EPN2: variants seen among roughly 807,000 people sequenced by gnomAD.
The protein encoded by EPN2 is epsin-2.
EPN2 carries 34 observed loss-of-function variants against 61.7 expected under a neutral mutation model. The observed-to-expected ratio is 0.55, with a 90% CI of 0.42 to 0.73. EPN2 has a LOEUF of 0.73. Among genes scored for constraint, EPN2 ranks in the 30% least tolerant of loss-of-function variants. EPN2 has a pLI of 0.00. For missense variants in EPN2, 714 were observed against 839.2 expected (o/e 0.85, Z 1.84); for synonymous variants, 349 against 353.6 (o/e 0.99, Z 0.15).
At chr17:19,316,741 C>A (rs1371791149) in intron 7 of EPN2, among the ~76,000 whole-genome samples, 1 of 152,118 alleles carries the variant, frequency 6.6e-6, no homozygotes, top group African/African-American at 2.4e-5. Context: ...TAAACAATAC[C>A]ACGCTGTACC....
chr17:19,262,794 G>C (rs1384772233), intron 1 of EPN2, among the ~76,000 whole-genome samples: 1 of 152,170 alleles, frequency 6.6e-6, no homozygotes, highest in Non-Finnish European at 1.5e-5. Flanking sequence ...TTCTGTCTCT[G>C]TGGATTTGCC....
chr17:19,262,068 T>G (rs1047453301), intron 1 of EPN2, among the ~76,000 whole-genome samples: 2 of 152,064 alleles, frequency 1.3e-5, no homozygotes, highest in Non-Finnish European at 2.9e-5. Context: ...ATCCCTGTAG[T>G]CCCAGCTACT....
chr17:19,243,502 C>T (rs941384479), intron 1 of EPN2, among the ~76,000 whole-genome samples: 3 of 148,538 alleles, frequency 2.0e-5, no homozygotes, highest in African/African-American at 2.5e-5. Context: ...ACGCCATTCT[C>T]CTGCCTCAGC....
chr17:19,280,938 C>T (rs973793608), intron 1 of EPN2, among the ~76,000 whole-genome samples: 2 of 152,134 alleles, frequency 1.3e-5, no homozygotes, highest in Admixed American at 1.3e-4. Context: ...TCAATTAATT[C>T]GGTAGAGTGG....
In EPN2 at chr17:19,282,972, A is replaced by G; in HGVS notation, c.-148A>G. 1.6e-6 allele frequency: 1 copy of G among 625,022 alleles called. No individual in the cohort carries two copies. Among genetic ancestry groups the G allele is most frequent in the Admixed American group, 3.1e-5 (1 of 32,428 alleles). The allele number at this position is 625,022 out of a possible 1,614,324, so 38.7% of individuals were successfully genotyped here. On this transcript the variant is annotated 5_prime_UTR_variant, in exon 3 of 11. Coordinates refer to ENST00000314728, the MANE Select transcript of EPN2 (RefSeq NM_014964.5). ...TAGGTCATGGCTTCCAGCTTTTCGA[A>G]TCTGAGGCTCCAAAGGAGGAAATGA...
At chr17:19,246,535 A>G (rs1324441245) in intron 1 of EPN2, among the ~76,000 whole-genome samples, 1 of 152,092 alleles carries the variant, frequency 6.6e-6, no homozygotes, top group Non-Finnish European at 1.5e-5. Flanking sequence ...AAGGAATGGT[A>G]AACAGCTATG....
Position 19,335,523 on chromosome 17 carries a change from G to T in EPN2, c.*1269G>T, listed in dbSNP as rs1409935485. 1 of 1,515,170 alleles carries T rather than the reference G, an allele frequency of 6.6e-7. No homozygotes were observed. The highest frequency in any genetic ancestry group is 8.9e-7 in the Non-Finnish European group (1 of 1,122,988). 93.9% of individuals were successfully genotyped at this position (1,515,170 alleles called of 1,614,324 possible). The stretch of plus-strand genomic sequence containing the variant: ...AATCCACGCTCAGGCTAAAGATGGG[G>T]ATAATGTGGAAATGGCAGTTGTCCC... On this transcript the variant is annotated 3_prime_UTR_variant, in exon 11 of 11. Coordinates refer to ENST00000314728, the MANE Select transcript of EPN2 (RefSeq NM_014964.5).
chr17:19,271,705 G>A (rs1426709231), intron 1 of EPN2: 2 of 152,308 alleles, frequency 1.3e-5, no homozygotes, highest in African/African-American at 4.8e-5. Context: ...AGAGTTAGAT[G>A]TGACCTCCTG....
At chr17:19,313,348 G>A (rs1906239393) in intron 7 of EPN2, 69 bp downstream of exon 7, 6 of 1,419,094 alleles carry the variant, frequency 4.2e-6, no homozygotes, top group Non-Finnish European at 4.7e-6. Context: ...AGTGCTTCTT[G>A]CTGTCTCTCA....
chr17:19,313,556 T>C (rs1189815640), intron 7 of EPN2: 1 of 380,938 alleles, frequency 2.6e-6, no homozygotes, highest in African/African-American at 2.1e-5. Flanking sequence ...GCTTGTGCCT[T>C]CTCTGGGACA....
At chr17:19,298,287 C>G (rs2045540660) in intron 4 of EPN2, among the ~76,000 whole-genome samples, 1 of 152,118 alleles carries the variant, frequency 6.6e-6, no homozygotes, top group Non-Finnish European at 1.5e-5. Context: ...CTCCGCCCCC[C>G]AGGTTCAAGT....
At chr17:19,297,775 A>C (rs1339708022) in intron 4 of EPN2, among the ~76,000 whole-genome samples, 1 of 152,258 alleles carries the variant, frequency 6.6e-6, no homozygotes, top group Admixed American at 6.5e-5. Context: ...GAGGGTGCCC[A>C]TGAGAAATAG....
At chr17:19,273,770 G>A (rs1437513836) in intron 1 of EPN2, among the ~76,000 whole-genome samples, 2 of 152,176 alleles carry the variant, frequency 1.3e-5, no homozygotes, top group Non-Finnish European at 2.9e-5. Context: ...TGTTTTTCTG[G>A]TATGAGGGAA....
chr17:19,312,758 C>A (rs1351897291), intron 6 of EPN2, among the ~76,000 whole-genome samples: 1 of 152,168 alleles, frequency 6.6e-6, no homozygotes, highest in Non-Finnish European at 1.5e-5. Context: ...AGGAGGAGGG[C>A]CCTCAGGCTG....
At chr17:19,301,307 C>T (rs970491284) in intron 4 of EPN2, among the ~76,000 whole-genome samples, 2 of 152,180 alleles carry the variant, frequency 1.3e-5, no homozygotes, top group Admixed American at 6.5e-5. Flanking sequence ...TCACTAATTA[C>T]ATCTGCAGCT....
At chr17:19,249,206 G>A (rs1449818039) in intron 1 of EPN2, among the ~76,000 whole-genome samples, 1 of 152,208 alleles carries the variant, frequency 6.6e-6, no homozygotes, top group East Asian at 1.9e-4. Flanking sequence ...TGAAAGTGGG[G>A]AGCTAAAAAG....
At chr17:19,275,745 C>A (rs553359284) in intron 1 of EPN2, among the ~76,000 whole-genome samples, 1 of 152,312 alleles carries the variant, frequency 6.6e-6, no homozygotes, top group East Asian at 1.9e-4. Context: ...ATAGGCAAAA[C>A]CAATGATTCA....
At chr17:19,263,632 C>T (rs980732812) in intron 1 of EPN2, among the ~76,000 whole-genome samples, 1 of 152,226 alleles carries the variant, frequency 6.6e-6, no homozygotes, top group African/African-American at 2.4e-5. Flanking sequence ...TATCCTCTCT[C>T]TTGTGTAATG....
intron 1 of EPN2, among the ~76,000 whole-genome samples, chr17:19,277,841 G>C (rs369659630): frequency 1.3e-5 from 2 of 152,190 alleles, no homozygotes; most frequent in East Asian, 1.9e-4. Flanking sequence ...GGGAGGCCAG[G>C]GTGGGCGGAT....
Sources: allele counts gnomAD v4.1 joint callset (sites outside exome capture counted in the v4.1 genomes callset), GRCh38; gene constraint gnomAD v4.1.1; transcripts MANE v1.5; gene names NCBI Gene and HGNC (gene_info 2026-07-23, HGNC 2026-07-21).